The following CDH4 variants were observed in gnomAD, a reference collection of about 807,000 sequenced individuals.
CDH4 encodes the protein cadherin 4.
Under a neutral mutation model 86.0 loss-of-function variants are expected in CDH4, and 33 were observed. The ratio of observed to expected loss-of-function variants is 0.38; its 90% confidence interval spans 0.29 to 0.51. The LOEUF (loss-of-function observed/expected upper bound fraction) is 0.51, where lower values mean the gene tolerates loss of function less well. Among genes scored for constraint, CDH4 ranks in the 20% least tolerant of loss-of-function variants. The probability of loss-of-function intolerance (pLI) is 0.86; values close to 1 mark genes in which losing one functional copy is unlikely to be tolerated. For missense variants in CDH4, 1,114 were observed against 1,307.4 expected (o/e 0.85, Z 2.28); for synonymous variants, 555 against 549.4 (o/e 1.01, Z -0.14).
At chr20:61,925,668 A>T (rs1440275355) in intron 11 of CDH4, among the ~76,000 whole-genome samples, 5 of 152,334 alleles carry the variant, frequency 3.3e-5, no homozygotes, top group Non-Finnish European at 7.3e-5. Context: ...GTGAATACTG[A>T]TGGAGGAAAC....
chr20:61,660,276 C>A (rs1394635256), intron 2 of CDH4, among the ~76,000 whole-genome samples: 2 of 152,220 alleles, frequency 1.3e-5, no homozygotes, highest in Non-Finnish European at 2.9e-5. Flanking sequence ...CTGCCCTCCA[C>A]TTACAACAGA....
At chr20:61,913,966 G>C (rs2054877974) in intron 9 of CDH4, among the ~76,000 whole-genome samples, 1 of 152,090 alleles carries the variant, frequency 6.6e-6, no homozygotes, top group African/African-American at 2.4e-5. Context: ...CTCCTTGTCA[G>C]GCCTCTGTCT....
rs566173725 is a variant in CDH4, at chr20:61,705,474, C to T, written c.170-38089C>T. On this transcript the variant is annotated intron_variant, in intron 2 of 15. Transcript: ENST00000614565. ...GTCTAACCCCTCAGTGTGGGAGAGC[C>T]GTAGGTGCCCCAGTGGCCATCTTCA... is the stretch of plus-strand genomic sequence containing the variant. Among the ~76,000 whole-genome samples, 4 of 152,348 alleles carry T rather than the reference C, an allele frequency of 2.6e-5. No individual in the cohort carries two copies. The South Asian group carries it at 6.2e-4, about 24-fold the overall frequency.
chr20:61,836,185 T>C (rs1600699055), intron 4 of CDH4, among the ~76,000 whole-genome samples: 1 of 152,198 alleles, frequency 6.6e-6, no homozygotes, highest in African/African-American at 2.4e-5. Flanking sequence ...GGCACGTCGG[T>C]TGTATTCCCA....
At chr20:61,362,676 A>T (rs1241649081) in intron 2 of CDH4, among the ~76,000 whole-genome samples, 1 of 152,104 alleles carries the variant, frequency 6.6e-6, no homozygotes, top group Non-Finnish European at 1.5e-5. Flanking sequence ...GTGAAGACAC[A>T]TCACAGTCCT....
At chr20:61,790,386 G>A (rs559280048) in intron 4 of CDH4, among the ~76,000 whole-genome samples, 58 of 130,192 alleles carry the variant, frequency 4.5e-4, no homozygotes, top group Non-Finnish European at 7.6e-4. Context: ...CTCATCATTC[G>A]TCTCTCTACC....
intron 4 of CDH4, among the ~76,000 whole-genome samples, chr20:61,804,076 G>A (rs1231910917): frequency 6.6e-6 from 1 of 152,276 alleles, no homozygotes; most frequent in East Asian, 1.9e-4. Flanking sequence ...CGAGCTTGTT[G>A]TTGGTAAGGA....
intron 6 of CDH4, among the ~76,000 whole-genome samples, chr20:61,868,853 C>A (rs114402075): frequency 6.6e-6 from 1 of 152,246 alleles, no homozygotes; most frequent in Non-Finnish European, 1.5e-5. Flanking sequence ...TCTGAGCACA[C>A]GTGGGGAAGC....
rs138058733 is a variant in CDH4 at position 61,365,589 on chromosome 20, G to A, written c.169+110652G>A. 7.1e-3 allele frequency among the ~76,000 whole-genome samples: 1,079 copies of A among 152,198 alleles called. 12 individuals are homozygous for A. Among genetic ancestry groups the A allele is most frequent in the African/African-American group, 0.025 (1,031 of 41,534 alleles). ...TGAGGGTGGGCTCAGTGTGGGGGTCGAGAATGACTGTGAGCCAGGATGCAG... is the reference window on the plus strand; with the variant it reads ...TGAGGGTGGGCTCAGTGTGGGGGTCAAGAATGACTGTGAGCCAGGATGCAG... On this transcript the variant is annotated intron_variant, in intron 2 of 15. Transcript: ENST00000614565.
chr20:61,859,585 A>G (rs1983224974), intron 6 of CDH4, among the ~76,000 whole-genome samples: 1 of 152,248 alleles, frequency 6.6e-6, no homozygotes, highest in Admixed American at 6.5e-5. Flanking sequence ...TGTGAGATGT[A>G]GATCCAGGTG....
intron 2 of CDH4, among the ~76,000 whole-genome samples, chr20:61,428,737 T>G (rs1189970328): frequency 1.3e-5 from 2 of 152,182 alleles, no homozygotes; most frequent in Non-Finnish European, 2.9e-5. Context: ...TGTTTGTCAC[T>G]TTGAAAATCC....
At chr20:61,777,565 A>C (rs191867998) in intron 4 of CDH4, among the ~76,000 whole-genome samples, 1 of 152,262 alleles carries the variant, frequency 6.6e-6, no homozygotes, top group East Asian at 1.9e-4. Context: ...AATGGACTCC[A>C]AGTCATTATG....
At chr20:61,819,221 A>C (rs1980890555) in intron 4 of CDH4, among the ~76,000 whole-genome samples, 1 of 152,220 alleles carries the variant, frequency 6.6e-6, no homozygotes, top group Non-Finnish European at 1.5e-5. Context: ...TGTAGGGACC[A>C]AGGTAAGTGG....
intron 2 of CDH4, among the ~76,000 whole-genome samples, chr20:61,426,549 C>G (rs958425139): frequency 6.6e-6 from 1 of 152,178 alleles, no homozygotes; most frequent in Admixed American, 6.5e-5. Flanking sequence ...TAATCCCTTC[C>G]CCGTCACCTG....
At chr20:61,929,238 A>C (rs2122995193) in intron 12 of CDH4, among the ~76,000 whole-genome samples, 1 of 152,100 alleles carries the variant, frequency 6.6e-6, no homozygotes, top group South Asian at 2.1e-4. Flanking sequence ...CCCAGGTTCA[A>C]GCAATTCTCC....
chr20:61,806,691 T>C (rs13038896), intron 4 of CDH4, among the ~76,000 whole-genome samples: 111,113 of 152,024 alleles, frequency 0.73, 40,708 homozygotes, highest in East Asian at 0.78. Context: ...TTGGGGCTGT[T>C]TAATTCTGCG....
chr20:61,774,376 C>T lies in CDH4; in HGVS notation c.576+1194C>T, dbSNP rs560620791. 3.6e-3 allele frequency among the ~76,000 whole-genome samples: 552 copies of T among 152,350 alleles called. 6 individuals are homozygous for T. Among genetic ancestry groups the T allele is most frequent in the African/African-American group, 8.3e-3 (344 of 41,596 alleles). On this transcript the variant is annotated intron_variant, in intron 4 of 15. Coordinates refer to ENST00000614565, the MANE Select transcript of CDH4 (RefSeq NM_001794.5). ...CCACTGGGCAACCTCCCGCCCACCA[C>T]GGATGCTAGAGACGATGCCAATGGC...
chr20:61,555,038 G>A (rs1299006746), intron 2 of CDH4, among the ~76,000 whole-genome samples: 1 of 152,214 alleles, frequency 6.6e-6, no homozygotes, highest in Non-Finnish European at 1.5e-5. Context: ...CTGTGTGCAT[G>A]TATGAGCATA....
At chr20:61,722,505 C>A (rs1295418299) in intron 2 of CDH4, among the ~76,000 whole-genome samples, 2 of 152,198 alleles carry the variant, frequency 1.3e-5, no homozygotes, top group East Asian at 3.9e-4. Context: ...CAGGTGCATC[C>A]CCCCAGGAGG....
Sources: allele counts gnomAD v4.1 joint callset (sites outside exome capture counted in the v4.1 genomes callset), GRCh38; gene constraint gnomAD v4.1.1; transcripts MANE v1.5; gene names NCBI Gene and HGNC (gene_info 2026-07-23, HGNC 2026-07-21).